The following CDH4 variants were observed in gnomAD, a reference collection of about 807,000 sequenced individuals.
CDH4 encodes the protein cadherin 4.
CDH4 carries 33 observed loss-of-function variants against 86.0 expected under a neutral mutation model. That is an observed-to-expected ratio of 0.38 (90% CI 0.29 to 0.51). CDH4 has a LOEUF of 0.51. Among genes scored for constraint, CDH4 ranks in the 20% least tolerant of loss-of-function variants. The pLI is 0.86. For missense variants in CDH4, 1,114 were observed against 1,307.4 expected, an observed-to-expected ratio of 0.85 and a Z score of 2.28; for synonymous variants, 555 against 549.4, an observed-to-expected ratio of 1.01 and a Z score of -0.14.
intron 2 of CDH4, among the ~76,000 whole-genome samples, chr20:61,354,001 T>C (rs2084731621): frequency 6.6e-6 from 1 of 151,994 alleles, no homozygotes; most frequent in Non-Finnish European, 1.5e-5. Flanking sequence ...GTGTGAGGAA[T>C]CGATAATTTA....
chr20:61,841,921 C>G (rs911919748), intron 4 of CDH4, among the ~76,000 whole-genome samples: 1 of 152,190 alleles, frequency 6.6e-6, no homozygotes, highest in Non-Finnish European at 1.5e-5. Context: ...TTTTCTATTA[C>G]GACATGAGAC....
chr20:61,428,272 A>G (rs2085225676), intron 2 of CDH4, among the ~76,000 whole-genome samples: 1 of 152,198 alleles, frequency 6.6e-6, no homozygotes, highest in East Asian at 1.9e-4. Flanking sequence ...TGTGGGAACT[A>G]GTCTGTCTTT....
chr20:61,564,954 G>C (rs1397508855), intron 2 of CDH4, among the ~76,000 whole-genome samples: 2 of 151,834 alleles, frequency 1.3e-5, no homozygotes, highest in African/African-American at 4.8e-5. Context: ...GTTACCATTT[G>C]TTTTCATGAG....
At chr20:61,897,851 A>G (rs939724026) in intron 8 of CDH4, among the ~76,000 whole-genome samples, 1 of 152,210 alleles carries the variant, frequency 6.6e-6, no homozygotes, top group Admixed American at 6.5e-5. Context: ...AGGAGTACGC[A>G]GATATGTCTA....
rs11482226 is a variant in CDH4 at position 61,325,222 on chromosome 20, GA to G, written c.169+70299del. On this transcript the variant is annotated intron_variant, in intron 2 of 15. Coordinates refer to ENST00000614565, the MANE Select transcript of CDH4 (RefSeq NM_001794.5). ...GTGGGTCATAAGTAAGTGGTCACTG[GA>G]AAAAAAAAAAAAAGTCTTGGCTTTT... Among the ~76,000 whole-genome samples the G allele has an allele frequency of 7.8e-3, 1,123 of 144,592 alleles. 11 individuals are homozygous for G. The highest frequency in any genetic ancestry group is 0.025 in the African/African-American group (959 of 38,744). The allele number at this position is 144,592 out of a possible 152,430, so 94.9% of individuals were successfully genotyped here. A position where few individuals can be genotyped will look rare whatever the true frequency, so the allele number is the denominator to read the frequency against.
At chr20:61,330,325 C>T (rs1045437669) in intron 2 of CDH4, among the ~76,000 whole-genome samples, 3 of 152,174 alleles carry the variant, frequency 2.0e-5, no homozygotes, top group East Asian at 1.9e-4. Flanking sequence ...CTAATTTACA[C>T]GCCCACCAAC....
At chr20:61,567,833 T>C (rs2252186) in intron 2 of CDH4, among the ~76,000 whole-genome samples, 117,706 of 151,936 alleles carry the variant, frequency 0.77, 45,725 homozygotes, top group African/African-American at 0.8. Context: ...GTTAGCCAGG[T>C]GTGGTGACAC....
chr20:61,658,000 A>C (rs2087210636), intron 2 of CDH4, among the ~76,000 whole-genome samples: 1 of 152,068 alleles, frequency 6.6e-6, no homozygotes, highest in Non-Finnish European at 1.5e-5. Flanking sequence ...AGGGAAGCAG[A>C]GTGGATTAAG....
At chr20:61,258,329 C>CAAAAAAAAAAAAAA (rs778048684) in intron 2 of CDH4, among the ~76,000 whole-genome samples, 8 of 62,342 alleles carry the variant, frequency 1.3e-4, no homozygotes, top group Admixed American at 2.5e-4. Context: ...GACTCCGTCT[C>CAAAAAAAAAAAAAA]AAAAAAAAAA....
chr20:61,856,965 TC>T (rs1349491235), intron 6 of CDH4, among the ~76,000 whole-genome samples: 3 of 151,836 alleles, frequency 2.0e-5, no homozygotes, highest in African/African-American at 7.2e-5. Flanking sequence ...CCCTCCTTTC[TC>T]CTCCAAGAGA....
chr20:61,897,257 A>G (rs1161565983), intron 8 of CDH4, among the ~76,000 whole-genome samples: 2 of 152,032 alleles, frequency 1.3e-5, no homozygotes, highest in African/African-American at 4.8e-5. Context: ...CCATCATTCC[A>G]TTGCAAGCCC....
intron 2 of CDH4, among the ~76,000 whole-genome samples, chr20:61,285,431 G>T (rs768496229): frequency 1.3e-5 from 2 of 152,196 alleles, no homozygotes; most frequent in Non-Finnish European, 2.9e-5. Flanking sequence ...GTCCGAGGCC[G>T]TGGCGCATGC....
At chr20:61,465,653 A>G (rs1474085086) in intron 2 of CDH4, among the ~76,000 whole-genome samples, 2 of 152,160 alleles carry the variant, frequency 1.3e-5, no homozygotes, top group African/African-American at 2.4e-5. Flanking sequence ...GTAAATGGCT[A>G]TATTTTAATT....
intron 2 of CDH4, among the ~76,000 whole-genome samples, chr20:61,294,377 G>A (rs1274695124): frequency 1.3e-5 from 2 of 152,198 alleles, no homozygotes; most frequent in Non-Finnish European, 2.9e-5. Flanking sequence ...CTGTGGTCTC[G>A]CCATCTGGGA....
chr20:61,731,865 G>A (rs868672636), intron 2 of CDH4, among the ~76,000 whole-genome samples: 2 of 152,190 alleles, frequency 1.3e-5, no homozygotes, highest in Admixed American at 6.5e-5. Flanking sequence ...GCCTGGCGGG[G>A]ATGCCTCTAC....
chr20:61,455,599 C>T (rs867000533), intron 2 of CDH4, among the ~76,000 whole-genome samples: 2 of 152,206 alleles, frequency 1.3e-5, no homozygotes, highest in African/African-American at 2.4e-5. Flanking sequence ...TAGGACTAGC[C>T]AGCGACTAGC....
intron 15 of CDH4, among the ~76,000 whole-genome samples, chr20:61,936,360 CA>C (rs1169911437): frequency 4.5e-5 from 1 of 22,292 alleles, no homozygotes; most frequent in Non-Finnish European, 8.9e-5. Context: ...ACCCCTTCCC[CA>C]CACCCCCTCC....
chr20:61,798,318 G>A (rs762264440), intron 4 of CDH4, among the ~76,000 whole-genome samples: 6 of 152,128 alleles, frequency 3.9e-5, no homozygotes, highest in Non-Finnish European at 5.9e-5. Context: ...GCGGCCCCTC[G>A]CTGCGCCTCA....
At chr20:61,442,286 C>T (rs1041619539) in intron 2 of CDH4, among the ~76,000 whole-genome samples, 7 of 152,298 alleles carry the variant, frequency 4.6e-5, no homozygotes, top group South Asian at 2.1e-4. Flanking sequence ...CGCATCACAC[C>T]GGGTGTGGAT....
Sources: gnomAD v4.1 joint callset for allele counts (sites outside exome capture counted in the v4.1 genomes callset) on GRCh38, gnomAD v4.1.1 for gene constraint, MANE v1.5 for transcripts, NCBI Gene and HGNC (gene_info 2026-07-23, HGNC 2026-07-21) for gene names.